Variants in CNTNAP2 observed in about 807,000 individuals in gnomAD.
The protein encoded by CNTNAP2 is contactin-associated protein-like 2.
In CNTNAP2, 98 loss-of-function variants were observed where a neutral mutation model predicts 155.2. The observed-to-expected ratio is 0.63, with a 90% confidence interval of 0.54 to 0.75. CNTNAP2 has a LOEUF of 0.75. Among genes scored for constraint, CNTNAP2 ranks in the 30% least tolerant of loss-of-function variants. The pLI is 0.00. For synonymous variants in CNTNAP2, 651 were observed against 631.2 expected, an observed-to-expected ratio of 1.03 and a Z score of -0.47; for missense variants, 1,727 against 1,688.1, an observed-to-expected ratio of 1.02 and a Z score of -0.40.
At chr7:146,536,437 A>G (rs953481467) in intron 1 of CNTNAP2, among the ~76,000 whole-genome samples, 5 of 152,014 alleles carry the variant, frequency 3.3e-5, no homozygotes, top group Admixed American at 2.0e-4. Flanking sequence ...AAAACAGGAA[A>G]GTTTTTGGGC....
Position 147,895,090 on chromosome 7 carries a change from C to G in CNTNAP2, c.2099-8475C>G, listed in dbSNP as rs1209000505. On this transcript the variant is annotated intron_variant, in intron 13 of 23. Transcript: ENST00000361727. ...GGTTCAAGTGATTCCCCTGCCTCAT[C>G]AGCCTCCTGAGTAGCTGGGATTACA... Among the ~76,000 whole-genome samples, 39 of 149,876 alleles carry G rather than the reference C, an allele frequency of 2.6e-4. No homozygotes were observed. In the Admixed American group the frequency reaches 2.6e-3, roughly 10 times the overall value.
chr7:147,254,986 G>A (rs888288622), intron 8 of CNTNAP2, among the ~76,000 whole-genome samples: 3 of 152,106 alleles, frequency 2.0e-5, no homozygotes, highest in Non-Finnish European at 1.5e-5. Context: ...AGTTATAATT[G>A]CAATCATGTA....
chr7:147,076,903 T>C (rs1800010820), intron 4 of CNTNAP2, among the ~76,000 whole-genome samples: 2 of 152,198 alleles, frequency 1.3e-5, no homozygotes, highest in Non-Finnish European at 2.9e-5. Context: ...AAATAGCTAC[T>C]TCTCTTTTAA....
rs575263813 is a variant in CNTNAP2 at position 148,035,077 on chromosome 7, CT to C, written c.2383+57092del. On this transcript the variant is annotated intron_variant, in intron 15 of 23. Transcript: ENST00000361727. ...AAATATTGAAGGAGTTGCATGGTTA[CT>C]TTTAACTGCATATAGTAAGATTAGA... Among the ~76,000 whole-genome samples, 7 of 152,212 alleles carry C rather than the reference CT, an allele frequency of 4.6e-5. No individual in the cohort carries two copies. In the South Asian group the frequency reaches 1.2e-3, roughly 27 times the overall value.
chr7:146,697,155 A>G (rs536359227), intron 1 of CNTNAP2, among the ~76,000 whole-genome samples: 2 of 152,212 alleles, frequency 1.3e-5, no homozygotes, highest in South Asian at 4.1e-4. Context: ...TTTTTATCTC[A>G]TGTATTTTGA....
At chr7:146,618,250 G>A (rs1799259870) in intron 1 of CNTNAP2, among the ~76,000 whole-genome samples, 1 of 152,102 alleles carries the variant, frequency 6.6e-6, no homozygotes, top group Non-Finnish European at 1.5e-5. Flanking sequence ...ATATTGTGTG[G>A]AGGTTCAATA....
At chr7:148,386,049 G>A (rs893467710) in intron 22 of CNTNAP2, among the ~76,000 whole-genome samples, 7 of 152,158 alleles carry the variant, frequency 4.6e-5, no homozygotes, top group African/African-American at 1.7e-4. Context: ...TTATGAAAAT[G>A]TATATAGGGA....
chr7:148,156,056 C>T (rs1374176888), intron 17 of CNTNAP2, among the ~76,000 whole-genome samples: 2 of 152,202 alleles, frequency 1.3e-5, no homozygotes, highest in African/African-American at 4.8e-5. Context: ...TGAGGCTGGA[C>T]ATCAGGCAGC....
At chr7:146,602,635 T>C (rs1798968630) in intron 1 of CNTNAP2, among the ~76,000 whole-genome samples, 1 of 152,214 alleles carries the variant, frequency 6.6e-6, no homozygotes, top group Non-Finnish European at 1.5e-5. Flanking sequence ...ACGTTGCCCT[T>C]GATACTAGTT....
intron 15 of CNTNAP2, among the ~76,000 whole-genome samples, chr7:148,097,924 A>G (rs1804007744): frequency 6.6e-6 from 1 of 152,240 alleles, no homozygotes; most frequent in Non-Finnish European, 1.5e-5. Context: ...CAAGCAGTAC[A>G]TAAATTTTTA....
chr7:147,297,696 A>G (rs1355218757), intron 8 of CNTNAP2, among the ~76,000 whole-genome samples: 2 of 152,182 alleles, frequency 1.3e-5, no homozygotes, highest in Non-Finnish European at 2.9e-5. Flanking sequence ...TGTTATAGGG[A>G]ATAGTGTGAT....
chr7:147,704,092 C>T (rs1036160335), intron 13 of CNTNAP2, among the ~76,000 whole-genome samples: 13 of 152,078 alleles, frequency 8.5e-5, no homozygotes, highest in African/African-American at 3.1e-4. Flanking sequence ...GCGGTTTTTG[C>T]AATGATAATA....
At chr7:147,922,319 A>C (rs562781943) in intron 14 of CNTNAP2, among the ~76,000 whole-genome samples, 2 of 152,330 alleles carry the variant, frequency 1.3e-5, no homozygotes, top group Admixed American at 1.3e-4. Context: ...AACCCTGCTT[A>C]TAGTATGTCA....
chr7:148,008,696 A>G (rs768291752), intron 15 of CNTNAP2, among the ~76,000 whole-genome samples: 29 of 152,202 alleles, frequency 1.9e-4, no homozygotes, highest in Non-Finnish European at 3.5e-4. Context: ...TGTGTAGTTC[A>G]ATTCATTTAA....
intron 13 of CNTNAP2, among the ~76,000 whole-genome samples, chr7:147,883,050 T>A (rs868211603): frequency 3.3e-4 from 51 of 152,292 alleles, no homozygotes; most frequent in Middle Eastern, 3.4e-3. Flanking sequence ...CTGATATAAC[T>A]GTACAGCATG....
intron 13 of CNTNAP2, among the ~76,000 whole-genome samples, chr7:147,643,114 T>TC (rs1381251812): frequency 0.025 from 3,785 of 152,250 alleles, 157 homozygotes; most frequent in African/African-American, 0.086. Flanking sequence ...GAATCACACA[T>TC]TGAGAAACAC....
intron 2 of CNTNAP2, among the ~76,000 whole-genome samples, chr7:146,791,744 A>G (rs1802677225): frequency 6.6e-6 from 1 of 152,218 alleles, no homozygotes; most frequent in South Asian, 2.1e-4. Context: ...TTCACTAAGG[A>G]GTGATAAACA....
intron 3 of CNTNAP2, among the ~76,000 whole-genome samples, chr7:147,003,297 T>C (rs1334124028): frequency 6.6e-6 from 1 of 151,738 alleles, no homozygotes; most frequent in African/African-American, 2.4e-5. Context: ...TACGTAATTA[T>C]AATGAGAGAC....
chr7:146,592,209 G>A (rs927698183), intron 1 of CNTNAP2, among the ~76,000 whole-genome samples: 6 of 152,160 alleles, frequency 3.9e-5, no homozygotes, highest in Non-Finnish European at 7.3e-5. Flanking sequence ...CTACAGAGAA[G>A]GTTCATTCTG....
Sources: gnomAD v4.1 joint callset for allele counts (sites outside exome capture counted in the v4.1 genomes callset) on GRCh38, gnomAD v4.1.1 for gene constraint, MANE v1.5 for transcripts, NCBI Gene and HGNC (gene_info 2026-07-23, HGNC 2026-07-21) for gene names.